HAS2: variants seen among roughly 807,000 people sequenced by gnomAD.
HAS2 encodes HA synthase 2.
A neutral mutation model predicts 51.6 loss-of-function variants in HAS2; 16 were observed. The observed-to-expected ratio is 0.31, with a 90% confidence interval of 0.21 to 0.47. The LOEUF (loss-of-function observed/expected upper bound fraction) is 0.47. Among genes scored for constraint, HAS2 ranks in the 20% least tolerant of loss-of-function variants. The pLI is 1.00. For missense variants in HAS2, 361 were observed against 662.6 expected (o/e 0.54, Z 5.00); for synonymous variants, 228 against 235.5 (o/e 0.97, Z 0.29).
Position 121,619,806 on chromosome 8 carries a change from C to T in HAS2, c.628-2600G>A, listed in dbSNP as rs533137464. The stretch of plus-strand genomic sequence containing the variant: ...GCCTCCAGCATCCTGAGTTTATTAC[C>T]ACACCCACCTCTGTTGACTCAAGCT... On this transcript the variant is annotated intron_variant, in intron 2 of 3. Transcript: ENST00000303924. Among the ~76,000 whole-genome samples the T allele has an allele frequency of 1.7e-3, 254 of 152,198 alleles. 2 individuals are homozygous for T. In the South Asian group the frequency reaches 0.021, roughly 13 times the overall value.
At chr8:121,638,986 C>A (rs1328705211) in intron 1 of HAS2, among the ~76,000 whole-genome samples, 1 of 152,074 alleles carries the variant, frequency 6.6e-6, no homozygotes, top group Non-Finnish European at 1.5e-5. Context: ...ATGTGTTGAC[C>A]TTTTTAAAAT....
In HAS2 at chr8:121,629,110, G is replaced by A. The variant is rs1354885307; in HGVS notation, c.231C>T (p.Thr77=). ...CAACTGTTTTGTTCAACTTTATGGG[G>A]GTTTCTAGGGATTTTTTCATTTTTC... The part of the protein sequence containing the change: ...EHRKMKKSLE[T]PIKLNKTVAL... The change falls in exon 2 of 4, where the codon ACC becomes ACT. Residue 77 remains threonine, a synonymous_variant. Transcript: ENST00000303924. 6.2e-7 allele frequency: 1 copy of A among 1,613,936 alleles called. No homozygotes were observed. The highest frequency in any genetic ancestry group is 2.2e-5 in the East Asian group (1 of 44,888).
Position 121,613,804 on chromosome 8 carries a change from A to G in HAS2, c.*305T>C. ...ATCCTTTTCTTCCATGATAACCCAC[A>G]TAAAGCATGGCTAGTGAGGTATATA... On this transcript the variant is annotated 3_prime_UTR_variant, in exon 4 of 4. Transcript: ENST00000303924. 1 of 345,732 alleles carries G rather than the reference A, an allele frequency of 2.9e-6. No homozygotes were observed. The highest frequency in any genetic ancestry group is 5.4e-6 in the Non-Finnish European group (1 of 185,182). The allele number at this position is 345,732 out of a possible 1,614,324, so 21.4% of individuals were successfully genotyped here.
chr8:121,633,146 T>A (rs1812957072), intron 1 of HAS2, among the ~76,000 whole-genome samples: 1 of 150,216 alleles, frequency 6.7e-6, no homozygotes, highest in East Asian at 1.9e-4. Context: ...CTTTTTTTTT[T>A]TTTTTTTTTG....
At chr8:121,621,670 G>A (rs1376815668) in intron 2 of HAS2, among the ~76,000 whole-genome samples, 1 of 152,092 alleles carries the variant, frequency 6.6e-6, no homozygotes, top group Non-Finnish European at 1.5e-5. Flanking sequence ...TTATCTGGAA[G>A]CATCTACAGC....
Position 121,641,158 on chromosome 8 carries a change from C to CTTTTTTTTTTTTTTTTTT in HAS2, c.-324_-307dup, listed in dbSNP as rs71573616. 3.3e-3 allele frequency: 186 copies of CTTTTTTTTTTTTTTTTTT among 57,008 alleles called. No homozygotes were observed. Among genetic ancestry groups the CTTTTTTTTTTTTTTTTTT allele is most frequent in the Non-Finnish European group, 4.4e-3 (137 of 30,846 alleles). 3.5% of individuals were successfully genotyped at this position (57,008 alleles called of 1,614,324 possible). A position where few individuals can be genotyped will look rare whatever the true frequency, so the allele number is the denominator to read the frequency against. The stretch of plus-strand genomic sequence containing the variant: ...TAACTTTTCTTTTTTCTTTTCTTTT[C>CTTTTTTTTTTTTTTTTTT]TTTTTTTTTTTTTTTTTTTTTTGGG... On this transcript the variant is annotated 5_prime_UTR_variant, in exon 1 of 4. Coordinates refer to ENST00000303924, the MANE Select transcript of HAS2 (RefSeq NM_005328.3).
chr8:121,629,434 A>C, intron 1 of HAS2, 94 bp from the exon 2 acceptor site: 1 of 1,014,564 alleles, frequency 9.9e-7, no homozygotes, highest in African/African-American at 1.6e-5. Flanking sequence ...GACTAGAAGC[A>C]TTCAGGAGTT....
intron 1 of HAS2, chr8:121,639,302 C>T (rs1434991126): frequency 4.6e-5 from 7 of 152,258 alleles, no homozygotes; most frequent in Non-Finnish European, 8.8e-5. Context: ...CAAAGGCAAT[C>T]CCAGCCCAGA....
chr8:121,629,941 C>T (rs1477440283), intron 1 of HAS2, among the ~76,000 whole-genome samples: 1 of 152,078 alleles, frequency 6.6e-6, no homozygotes, highest in Non-Finnish European at 1.5e-5. Flanking sequence ...AGTCACCATA[C>T]CTCTCTGGGT....
At chr8:121,623,742 A>C (rs1325062779) in intron 2 of HAS2, among the ~76,000 whole-genome samples, 1 of 152,146 alleles carries the variant, frequency 6.6e-6, no homozygotes, top group Non-Finnish European at 1.5e-5. Flanking sequence ...TAAACAACAA[A>C]GTTGGGTATA....
chr8:121,636,316 C>T (rs377510877), intron 1 of HAS2, among the ~76,000 whole-genome samples: 6 of 152,208 alleles, frequency 3.9e-5, no homozygotes, highest in Admixed American at 6.5e-5. Flanking sequence ...GAAGTCTCCC[C>T]GCAGCAGTCT....
chr8:121,617,297 C>T (rs1563619952), intron 2 of HAS2, 91 bp from the exon 3 acceptor site: 1 of 699,022 alleles, frequency 1.4e-6, no homozygotes, highest in Non-Finnish European at 2.5e-6. Flanking sequence ...ATACTGTGTC[C>T]TCATCTTACT....
At chr8:121,625,675 A>ATTTTTTT (rs934743239) in intron 2 of HAS2, among the ~76,000 whole-genome samples, 2 of 108,104 alleles carry the variant, frequency 1.9e-5, no homozygotes, top group African/African-American at 4.1e-5. Context: ...AGTCCAGCTA[A>ATTTTTTT]TTTTTTTTTT....
At chr8:121,621,377 A>G (rs1346993473) in intron 2 of HAS2, among the ~76,000 whole-genome samples, 1 of 152,196 alleles carries the variant, frequency 6.6e-6, no homozygotes, top group Non-Finnish European at 1.5e-5. Flanking sequence ...GAAGTCCTGT[A>G]ACTTACTACT....
chr8:121,631,933 G>A (rs1202045086), intron 1 of HAS2, among the ~76,000 whole-genome samples: 1 of 152,202 alleles, frequency 6.6e-6, no homozygotes, highest in Admixed American at 6.5e-5. Flanking sequence ...CATTTTCCTT[G>A]CTTTTATCAG....
intron 1 of HAS2, among the ~76,000 whole-genome samples, chr8:121,635,118 A>T (rs1361653570): frequency 6.6e-6 from 1 of 152,142 alleles, no homozygotes; most frequent in Non-Finnish European, 1.5e-5. Flanking sequence ...AAATATTTTG[A>T]AGTCAGTTAT....
chr8:121,622,488 T>TACAACA (rs1812786638), intron 2 of HAS2, among the ~76,000 whole-genome samples: 1 of 152,084 alleles, frequency 6.6e-6, no homozygotes, highest in South Asian at 2.1e-4. Flanking sequence ...TTGTTGTAAT[T>TACAACA]AACTAGTGTT....
At chr8:121,631,034 CT>C (rs1402155964) in intron 1 of HAS2, among the ~76,000 whole-genome samples, 1 of 152,186 alleles carries the variant, frequency 6.6e-6, no homozygotes, top group Non-Finnish European at 1.5e-5. Flanking sequence ...AGATATGCCA[CT>C]TCCAGTAAGA....
chr8:121,626,008 C>G (rs1288848666), intron 2 of HAS2, among the ~76,000 whole-genome samples: 1 of 152,058 alleles, frequency 6.6e-6, no homozygotes, highest in African/African-American at 2.4e-5. Flanking sequence ...AGAGAGCAGT[C>G]GGTAGAGAAG....
Sources: gnomAD v4.1 joint callset for allele counts (sites outside exome capture counted in the v4.1 genomes callset) on GRCh38, gnomAD v4.1.1 for gene constraint, MANE v1.5 for transcripts, NCBI Gene and HGNC (gene_info 2026-07-23, HGNC 2026-07-21) for gene names.